Variants in SLC35F3 observed in about 807,000 individuals in gnomAD.
The protein encoded by SLC35F3 is solute carrier family 35 member F3, also known as putative thiamine transporter SLC35F3.
SLC35F3 carries 25 observed loss-of-function variants against 49.9 expected under a neutral mutation model. The observed-to-expected ratio is 0.50, with a 90% CI of 0.37 to 0.70. SLC35F3 has a LOEUF of 0.70. SLC35F3 is among the 30% of genes least tolerant of loss of function. The pLI, the probability that SLC35F3 is intolerant of heterozygous loss-of-function variation, is 0.00. For missense variants in SLC35F3, 525 were observed against 639.8 expected (o/e 0.82, Z 1.94); for synonymous variants, 275 against 265.4 (o/e 1.04, Z -0.35).
At chr1:233,910,131 CT>C (rs1661850786) in intron 2 of SLC35F3, among the ~76,000 whole-genome samples, 1 of 152,230 alleles carries the variant, frequency 6.6e-6, no homozygotes, top group Admixed American at 6.5e-5. Context: ...TGAACAGTTT[CT>C]TTTAATAACT....
intron 2 of SLC35F3, among the ~76,000 whole-genome samples, chr1:234,138,601 G>A (rs1665844099): frequency 6.6e-6 from 1 of 152,172 alleles, no homozygotes; most frequent in Admixed American, 6.5e-5. Context: ...TGTCATCCAG[G>A]CTGGAGTGCA....
At chr1:233,930,141 C>T (rs1029837265) in intron 2 of SLC35F3, among the ~76,000 whole-genome samples, 1 of 122,188 alleles carries the variant, frequency 8.2e-6, no homozygotes, top group African/African-American at 2.7e-5. Context: ...AGAGTGAGAC[C>T]CCATTTCTTA....
intron 2 of SLC35F3, among the ~76,000 whole-genome samples, chr1:234,094,879 G>A (rs1417664561): frequency 1.3e-5 from 2 of 152,166 alleles, no homozygotes; most frequent in African/African-American, 2.4e-5. Flanking sequence ...TAGTACATGG[G>A]TAGACATGTG....
chr1:234,177,196 G>T (rs984492317), intron 2 of SLC35F3, among the ~76,000 whole-genome samples: 1 of 152,320 alleles, frequency 6.6e-6, no homozygotes, highest in East Asian at 1.9e-4. Flanking sequence ...TGCCATCCAT[G>T]TAAGATGTGA....
chr1:234,134,330 C>T (rs191543970), intron 2 of SLC35F3, among the ~76,000 whole-genome samples: 92 of 148,046 alleles, frequency 6.2e-4, no homozygotes, highest in Non-Finnish European at 8.9e-4. Context: ...ACAAATTATA[C>T]AAATGTGTTA....
chr1:234,159,578 G>C (rs1047009354), intron 2 of SLC35F3, among the ~76,000 whole-genome samples: 1 of 152,052 alleles, frequency 6.6e-6, no homozygotes, highest in South Asian at 2.1e-4. Context: ...ATATGGAGAA[G>C]AAACTTTTGC....
chr1:233,912,335 C>T (rs566998414), intron 2 of SLC35F3, among the ~76,000 whole-genome samples: 15 of 151,846 alleles, frequency 9.9e-5, no homozygotes, highest in Non-Finnish European at 1.6e-4. Flanking sequence ...AAAATTAGAC[C>T]GGCATGGTGG....
chr1:234,017,652 T>G (rs1484404178), intron 2 of SLC35F3, among the ~76,000 whole-genome samples: 3 of 141,670 alleles, frequency 2.1e-5, no homozygotes, highest in South Asian at 2.3e-4. Flanking sequence ...AGGCGGAGCT[T>G]GCAGTGAGCC....
chr1:234,305,990 G>A (rs375779502), intron 3 of SLC35F3, among the ~76,000 whole-genome samples: 23 of 152,272 alleles, frequency 1.5e-4, no homozygotes, highest in Non-Finnish European at 1.2e-4. Flanking sequence ...AGACTGTCCC[G>A]TCAGTAATGT....
chr1:234,204,203 A>G (rs1666939248), intron 2 of SLC35F3, among the ~76,000 whole-genome samples: 1 of 152,112 alleles, frequency 6.6e-6, no homozygotes, highest in Non-Finnish European at 1.5e-5. Context: ...ACATCAGTTT[A>G]TTTTTTAGAA....
chr1:233,944,249 A>G (rs777063582), intron 2 of SLC35F3, among the ~76,000 whole-genome samples: 5 of 152,218 alleles, frequency 3.3e-5, no homozygotes, highest in Admixed American at 2.6e-4. Context: ...CAAATCCAGG[A>G]GTTGTTTTTT....
At chr1:233,968,922 G>C (rs1231029901) in intron 2 of SLC35F3, among the ~76,000 whole-genome samples, 1 of 151,966 alleles carries the variant, frequency 6.6e-6, no homozygotes, top group Non-Finnish European at 1.5e-5. Flanking sequence ...GCAGTATTTG[G>C]TTTTCTGTTC....
intron 2 of SLC35F3, among the ~76,000 whole-genome samples, chr1:234,093,790 T>C (rs936360976): frequency 1.3e-5 from 2 of 152,210 alleles, no homozygotes; most frequent in African/African-American, 2.4e-5. Flanking sequence ...CTCCTAAATA[T>C]GCTGTGGACA....
intron 2 of SLC35F3, among the ~76,000 whole-genome samples, chr1:234,158,107 A>G (rs1196092240): frequency 1.3e-5 from 2 of 152,206 alleles, no homozygotes; most frequent in Non-Finnish European, 2.9e-5. Flanking sequence ...GTGATGGTTC[A>G]GATTTCAAAC....
rs1462889390 is a variant in SLC35F3 at position 234,320,370 on chromosome 1, T to C, written c.1237+183T>C. Among the ~76,000 whole-genome samples the C allele has an allele frequency of 1.3e-5, 2 of 152,002 alleles. No individual in the cohort carries two copies. The highest frequency in any genetic ancestry group is 4.8e-5 in the African/African-American group (2 of 41,392). On this transcript the variant is annotated intron_variant, in intron 7 of 7. Coordinates refer to ENST00000366618, the MANE Select transcript of SLC35F3 (RefSeq NM_173508.4). This position sits in a 1 kb window ranked among gnomAD's most constrained non-coding sequence, Gnocchi z 4.8. ...TACTCACATATATTATTGCTCTGCC[T>C]GCTATAGAATGCGTGTTTAACTGTC...
At chr1:234,292,731 G>C (rs1469378394) in intron 3 of SLC35F3, among the ~76,000 whole-genome samples, 1 of 152,158 alleles carries the variant, frequency 6.6e-6, no homozygotes, top group Non-Finnish European at 1.5e-5. Context: ...TTGTTCTTAT[G>C]AACTGTCAGT....
chr1:234,181,664 G>T lies in SLC35F3; in HGVS notation c.284-49753G>T, dbSNP rs533425346. Among the ~76,000 whole-genome samples, 60 of 152,124 alleles carry T rather than the reference G, an allele frequency of 3.9e-4. No individual in the cohort carries two copies. The South Asian group carries it at 9.1e-3, about 23-fold the overall frequency. ...TTTCCACAGTGTGAATGTTGCTGAT[G>T]GCATCTCTGTGGTGTCATTTACCAT... On this transcript the variant is annotated intron_variant, in intron 2 of 7. Transcript: ENST00000366618.
intron 2 of SLC35F3, among the ~76,000 whole-genome samples, chr1:234,053,129 A>T (rs1301697085): frequency 6.6e-6 from 1 of 152,158 alleles, no homozygotes; most frequent in Non-Finnish European, 1.5e-5. Context: ...TTTCGGGTGG[A>T]GAGTTCTGTA....
intron 3 of SLC35F3, among the ~76,000 whole-genome samples, chr1:234,275,335 A>C (rs11584393): frequency 0.17 from 25,060 of 147,450 alleles, 2,369 homozygotes; most frequent in South Asian, 0.21. Flanking sequence ...CCAAAATCCC[A>C]AAAAAAAAAA....
Sources: gnomAD v4.1 joint callset for allele counts (sites outside exome capture counted in the v4.1 genomes callset) on GRCh38, gnomAD v4.1.1 for gene constraint, Gnocchi (gnomAD v3.1) non-coding constraint, MANE v1.5 for transcripts, NCBI Gene and HGNC (gene_info 2026-07-23, HGNC 2026-07-21) for gene names.